DPYSL4: variants seen among roughly 807,000 people sequenced by gnomAD.
DPYSL4 encodes dihydropyrimidinase-related protein 4.
A neutral mutation model predicts 63.4 loss-of-function variants in DPYSL4; 43 were observed. That is an observed-to-expected ratio of 0.68 (90% CI 0.53 to 0.88). The LOEUF (loss-of-function observed/expected upper bound fraction) is 0.88. DPYSL4 is among the 40% of genes least tolerant of loss of function. The pLI, the probability that DPYSL4 is intolerant of heterozygous loss-of-function variation, is 0.00. For synonymous variants in DPYSL4, 353 were observed against 331.7 expected (o/e 1.06, Z -0.70); for missense variants, 733 against 819.5 (o/e 0.89, Z 1.29).
chr10:132,196,150 GA>G (rs2061940909), intron 4 of DPYSL4, among the ~76,000 whole-genome samples: 1 of 152,230 alleles, frequency 6.6e-6, no homozygotes, highest in African/African-American at 2.4e-5. Flanking sequence ...GCGAGGAGGA[GA>G]TGCCATGGGT....
intron 6 of DPYSL4, 111 bp downstream of exon 6, chr10:132,197,212 C>A: frequency 1.0e-6 from 1 of 964,496 alleles, no homozygotes; most frequent in Non-Finnish European, 1.5e-6. Flanking sequence ...ACGCAGACAT[C>A]AGCACAGAAT....
In DPYSL4 at chr10:132,194,898, T is replaced by A. The variant is rs759121428; in HGVS notation, c.367T>A (p.Trp123Arg). ...GVSLLAAYEQ[W>R]RERADSAACC... is the part of the protein sequence containing the mutation. ...GAGCCTGCTGGCGGCCTACGAGCAG[T>A]GGCGGGAGCGGGCGGACAGCGCGGC... The change falls in exon 4 of 14, where the codon TGG becomes AGG. Residue 123 changes from tryptophan (W) to arginine (R), a missense_variant. Transcript: ENST00000338492. The A allele has an allele frequency of 6.2e-7, 1 of 1,612,718 alleles. No individual in the cohort carries two copies. The highest frequency in any genetic ancestry group is 1.1e-5 in the South Asian group (1 of 91,060).
intron 9 of DPYSL4, 132 bp downstream of exon 9, chr10:132,200,644 G>A: frequency 1.4e-6 from 2 of 1,398,592 alleles, no homozygotes; most frequent in South Asian, 1.4e-5. Context: ...GGGGAAGTCT[G>A]AGCCCTTTGG....
chr10:132,201,071 C>T, intron 10 of DPYSL4, 88 bp downstream of exon 10: 2 of 1,531,360 alleles, frequency 1.3e-6, no homozygotes, highest in Non-Finnish European at 1.8e-6. Flanking sequence ...CCCATCTAAC[C>T]AGTGCACACT....
At position 132,190,756 on chromosome 10, in the gene DPYSL4, C is replaced by T; in HGVS notation, c.49C>T (p.Leu17Phe). The change falls in exon 2 of 14, where the codon CTT (leucine) becomes TTT (phenylalanine). Residue 17 changes from leucine to phenylalanine, a missense_variant. Leu to Phe is a conservative substitution (Grantham distance 22, BLOSUM62 0). Transcript: ENST00000338492. ...KSIPRITSDRLLIRGGRIVND... is the reference protein window; with the variant it reads ...KSIPRITSDRFLIRGGRIVND... ...TTGTTGTTCCCGATAGAGTGACCGC[C>T]TTCTGATCAGAGGTGGGAGGATCGT... 1.9e-6 allele frequency: 3 copies of T among 1,613,252 alleles called. No individual in the cohort carries two copies. The highest frequency in any genetic ancestry group is 2.2e-5 in the East Asian group (1 of 44,864).
chr10:132,187,291 G>A (rs926413179), intron 1 of DPYSL4, among the ~76,000 whole-genome samples, 189 bp downstream of exon 1: 6 of 151,234 alleles, frequency 4.0e-5, no homozygotes, highest in Non-Finnish European at 8.9e-5. Flanking sequence ...CCCCGCTAGC[G>A]CCGCGCAGAC....
chr10:132,196,961 C>G, intron 5 of DPYSL4, 39 bp downstream of exon 5: 2 of 1,613,374 alleles, frequency 1.2e-6, no homozygotes, highest in Non-Finnish European at 1.7e-6. Context: ...GCAGGTATAT[C>G]CCAGGCCGCT....
At chr10:132,190,248 G>A (rs559010231) in intron 1 of DPYSL4, among the ~76,000 whole-genome samples, 7 of 152,374 alleles carry the variant, frequency 4.6e-5, no homozygotes, top group African/African-American at 1.2e-4. Context: ...CTGTGGGGGC[G>A]CTGTCTGCCT....
chr10:132,202,696 C>T lies in DPYSL4; in HGVS notation c.1332C>T (p.Ala444=), dbSNP rs746879800. Residue 444 remains alanine (A), a synonymous_variant, in exon 12 of 14, where the codon GCC becomes GCT. Transcript: ENST00000338492. ...FEGVECRGAP[A]VVISQGRVAL... ...GAGTGGAGTGCCGGGGAGCGCCTGCCGTGGTCATAAGTCAGGGCCGAGTGG... is the reference window on the plus strand; with the variant it reads ...GAGTGGAGTGCCGGGGAGCGCCTGCTGTGGTCATAAGTCAGGGCCGAGTGG... 28 of 1,613,238 alleles carry T rather than the reference C, an allele frequency of 1.7e-5. No individual in the cohort carries two copies. Among genetic ancestry groups the T allele is most frequent in the African/African-American group, 2.7e-5 (2 of 74,918 alleles).
At chr10:132,196,982 G>T (rs1158177569) in intron 5 of DPYSL4, 39 bp from the exon 6 acceptor site, 3 of 1,612,912 alleles carry the variant, frequency 1.9e-6, no homozygotes, top group Admixed American at 1.7e-5. Context: ...GCTGGTGCAG[G>T]CGCAGCCCCA....
At chr10:132,188,721 G>A (rs1273259375) in intron 1 of DPYSL4, among the ~76,000 whole-genome samples, 2 of 152,206 alleles carry the variant, frequency 1.3e-5, no homozygotes, top group Admixed American at 1.3e-4. Flanking sequence ...AAGCAGTCCT[G>A]GACATTTAGG....
At chr10:132,197,395 C>T (rs1449272692) in intron 6 of DPYSL4, among the ~76,000 whole-genome samples, 1 of 152,232 alleles carries the variant, frequency 6.6e-6, no homozygotes, top group African/African-American at 2.4e-5. Flanking sequence ...GGGATCGAGG[C>T]CCCTCCTGTG....
At chr10:132,192,464 G>A (rs540319294) in intron 2 of DPYSL4, 194 bp from the exon 3 acceptor site, 30 of 1,322,734 alleles carry the variant, frequency 2.3e-5, no homozygotes, top group East Asian at 1.2e-4. Context: ...TGCAGTGACC[G>A]TCCTGAGCTG....
At chr10:132,187,661 G>A (rs1439268580) in intron 1 of DPYSL4, among the ~76,000 whole-genome samples, 4 of 152,210 alleles carry the variant, frequency 2.6e-5, no homozygotes, top group African/African-American at 7.2e-5. Context: ...CGCTCTGGCC[G>A]GAGTCCCTGG....
intron 4 of DPYSL4, 43 bp downstream of exon 4, chr10:132,195,052 G>A (rs768136666): frequency 1.3e-6 from 2 of 1,578,456 alleles, no homozygotes; most frequent in South Asian, 1.1e-5. Flanking sequence ...ATGGAGCCTG[G>A]TGGAGGAGCC....
intron 2 of DPYSL4, among the ~76,000 whole-genome samples, chr10:132,192,129 C>T (rs1457867936): frequency 6.6e-6 from 1 of 152,266 alleles, no homozygotes; most frequent in African/African-American, 2.4e-5. Flanking sequence ...GGGTGAAATC[C>T]ATGGGAGAGG....
In DPYSL4 at chr10:132,203,280, G is replaced by GC. The variant is rs34104193; in HGVS notation, c.1461+465dup. Among the ~76,000 whole-genome samples the GC allele has an allele frequency of 4.2e-3, 636 of 151,114 alleles. 4 individuals carry two copies. Among genetic ancestry groups the GC allele is most frequent in the African/African-American group, 0.012 (482 of 41,238 alleles). On this transcript the variant is annotated intron_variant, in intron 12 of 13. Coordinates refer to ENST00000338492, the MANE Select transcript of DPYSL4 (RefSeq NM_006426.3). ...GGCTCTCAGGAGCTCAGCCACGGGA[G>GC]CCCCCCCCCCATGGCCTTCCAGTCT...
chr10:132,200,885 A>G lies in DPYSL4; in HGVS notation c.1012A>G (p.Thr338Ala). ...VTGSAHCTFT[T>A]AQKAVGKDNF... ...AGGCAGCGCCCACTGCACCTTCACC[A>G]CTGCCCAGAAGGCTGTGGGCAAGGA... Residue 338 changes from threonine (T) to alanine (A), a missense_variant, in exon 10 of 14, where the codon ACT (threonine) becomes GCT (alanine). Coordinates refer to ENST00000338492, the MANE Select transcript of DPYSL4 (RefSeq NM_006426.3). 6.2e-7 allele frequency: 1 copy of G among 1,613,090 alleles called. No homozygotes were observed. Among genetic ancestry groups the G allele is most frequent in the East Asian group, 2.2e-5 (1 of 44,882 alleles).
chr10:132,192,555 G>A, intron 2 of DPYSL4, 103 bp from the exon 3 acceptor site: 2 of 1,477,618 alleles, frequency 1.4e-6, no homozygotes, highest in Non-Finnish European at 1.8e-6. Context: ...TTTCCTCGGG[G>A]TCTGGAGCTC....
Sources: gnomAD v4.1 joint callset for allele counts (sites outside exome capture counted in the v4.1 genomes callset) on GRCh38, gnomAD v4.1.1 for gene constraint, MANE v1.5 for transcripts, NCBI Gene and HGNC (gene_info 2026-07-23, HGNC 2026-07-21) for gene names.